The following RITA1 variants were observed in gnomAD, a reference collection of about 807,000 sequenced individuals.
The protein encoded by RITA1 is RBPJ-interacting and tubulin-associated protein 1.
RITA1 carries 15 observed loss-of-function variants against 8.7 expected under a neutral mutation model. That is an observed-to-expected ratio of 1.72 (90% CI 1.15 to 2.65). The LOEUF is 2.65. Ranked by LOEUF, RITA1 falls within the 30% of genes most tolerant of loss-of-function variation. The pLI is 0.00. For synonymous variants in RITA1, 145 were observed against 156.2 expected (o/e 0.93, Z 0.53); for missense variants, 330 against 363.8 (o/e 0.91, Z 0.76).
intron 3 of RITA1, among the ~76,000 whole-genome samples, chr12:113,188,880 G>A (rs1024110084): frequency 1.1e-4 from 14 of 127,600 alleles, no homozygotes; most frequent in South Asian, 7.8e-4. Flanking sequence ...GCACCATCTC[G>A]GATCACTGCA....
At chr12:113,186,065 A>G (rs1952532805) in intron 1 of RITA1, 44 bp downstream of exon 1, 1 of 1,535,834 alleles carries the variant, frequency 6.5e-7, no homozygotes, top group African/African-American at 1.4e-5. Flanking sequence ...GGCACTTTTT[A>G]ATCGGGTCAT....
At position 113,186,979 on chromosome 12, in the gene RITA1, G is replaced by A; in HGVS notation, c.233G>A (p.Gly78Glu). ...GCATCGAAGGCCTTGGGGGCAAAGG[G>A]GAGCTGTGAGACCACCCCCTCAAGG... is the stretch of plus-strand genomic sequence containing the variant. ...KEASKALGAK[G>E]SCETTPSRGS... is the part of the protein sequence containing the mutation. The change falls in exon 3 of 4, where the codon GGG (glycine) becomes GAG (glutamate). Residue 78 changes from glycine to glutamate, a missense_variant. By Grantham distance (98) the Gly-to-Glu change is moderately conservative. Transcript: ENST00000548278. 2 of 1,613,170 alleles carry A rather than the reference G, an allele frequency of 1.2e-6. No homozygotes were observed. Among genetic ancestry groups the A allele is most frequent in the Non-Finnish European group, 1.7e-6 (2 of 1,179,652 alleles).
chr12:113,189,048 C>T (rs901572896), intron 3 of RITA1, among the ~76,000 whole-genome samples: 9 of 151,532 alleles, frequency 5.9e-5, no homozygotes, highest in East Asian at 5.8e-4. Flanking sequence ...GAGCTCAAGT[C>T]GTTCTCCCGC....
intron 3 of RITA1, among the ~76,000 whole-genome samples, chr12:113,189,198 G>A (rs961045574): frequency 4.6e-5 from 7 of 152,060 alleles, no homozygotes; most frequent in Non-Finnish European, 8.8e-5. Flanking sequence ...ATTTGGGTGG[G>A]CACAATTCAG....
chr12:113,186,150 A>G (rs1321667376), intron 1 of RITA1, 35 bp from the exon 2 acceptor site: 8 of 1,421,274 alleles, frequency 5.6e-6, no homozygotes, highest in Admixed American at 2.0e-5. Flanking sequence ...CAAGTACACA[A>G]GCTCTGGACT....
At chr12:113,189,355 A>G (rs1952575316) in intron 3 of RITA1, among the ~76,000 whole-genome samples, 1 of 152,132 alleles carries the variant, frequency 6.6e-6, no homozygotes, top group Admixed American at 6.6e-5. Flanking sequence ...AGGCAGGGTC[A>G]GGTGGAGATT....
At position 113,186,994 on chromosome 12, in the gene RITA1, C is replaced by T. The variant is rs1952546289; in HGVS notation, c.248C>T (p.Thr83Ile). The stretch of plus-strand genomic sequence containing the variant: ...GGGGCAAAGGGGAGCTGTGAGACCA[C>T]CCCCTCAAGGGGCAGCACCCCCACC... ...ALGAKGSCET[T>I]PSRGSTPTLT... Residue 83 changes from threonine (T) to isoleucine (I), a missense_variant, in exon 3 of 4, where the codon ACC (threonine) becomes ATC (isoleucine). Thr to Ile is a moderately conservative substitution (Grantham distance 89, BLOSUM62 -1). Transcript: ENST00000548278. 2 of 1,611,448 alleles carry T rather than the reference C, an allele frequency of 1.2e-6. No individual in the cohort carries two copies. Among genetic ancestry groups the T allele is most frequent in the African/African-American group, 2.7e-5 (2 of 74,894 alleles).
rs764106044 is a variant in RITA1, at chr12:113,191,431, T to C, written c.424T>C (p.Trp142Arg). 7 of 1,609,156 alleles carry C rather than the reference T, an allele frequency of 4.4e-6. No individual in the cohort carries two copies. The East Asian group carries it at 1.3e-4, about 31-fold the overall frequency. Residue 142 changes from tryptophan to arginine, a missense_variant, in exon 4 of 4, where the codon TGG becomes CGG. By Grantham distance (101) the Trp-to-Arg change is moderately radical. Transcript: ENST00000548278. This position sits in a 1 kb window ranked among gnomAD's most constrained non-coding sequence, Gnocchi z 4.0. ...TGCCGCAAAGCTCCGTGCTCTCTTG[T>C]GGACGCCACCACCTACCCCCAGGGG... ...GDAAKLRALL[W>R]TPPPTPRGSH...
At position 113,191,106 on chromosome 12, in the gene RITA1, G is replaced by C. The variant is rs533350293; in HGVS notation, c.303-204G>C. 6.6e-6 allele frequency among the ~76,000 whole-genome samples: 1 copy of C among 152,168 alleles called. No individual in the cohort carries two copies. The highest frequency in any genetic ancestry group is 1.5e-5 in the Non-Finnish European group (1 of 68,028). ...AGGATGCAGGGGCAGTGGATGTTTC[G>C]CAGGGAAAATCAGCAGAGACCGGGG... On this transcript the variant is annotated intron_variant, in intron 3 of 3. Transcript: ENST00000548278. The surrounding 1 kb of genome is among the most constrained non-coding windows in gnomAD (Gnocchi z 4.0).
chr12:113,192,127 C>A lies in RITA1; in HGVS notation c.*310C>A. ...CCCACATCATCCATTGTCTTGCTGC[C>A]AAGTGCGAATAAACGGCGTGATTGC... On this transcript the variant is annotated 3_prime_UTR_variant, in exon 4 of 4. Coordinates refer to ENST00000548278, the MANE Select transcript of RITA1 (RefSeq NM_032848.3). The A allele has an allele frequency of 3.1e-6, 1 of 319,244 alleles. No homozygotes were observed. The highest frequency in any genetic ancestry group is 6.4e-5 in the South Asian group (1 of 15,620). The allele number at this position is 319,244 out of a possible 1,614,324, so 19.8% of individuals were successfully genotyped here. A position where few individuals can be genotyped will look rare whatever the true frequency, so the allele number is the denominator to read the frequency against.
chr12:113,188,828 T>G lies in RITA1; in HGVS notation c.302+1780T>G, dbSNP rs1157389678. Among the ~76,000 whole-genome samples the G allele has an allele frequency of 2.2e-4, 25 of 112,822 alleles. 1 individual carries two copies. The highest frequency in any genetic ancestry group is 8.7e-4 in the African/African-American group (24 of 27,476). The allele number at this position is 112,822 out of a possible 152,430, so 74.0% of individuals were successfully genotyped here. ...TTTTTTTTTTTTTTTTTTTTTTTTT[T>G]GAGATGGAGTCTGGCTCTGTCGCCC... On this transcript the variant is annotated intron_variant, in intron 3 of 3. Coordinates refer to ENST00000548278, the MANE Select transcript of RITA1 (RefSeq NM_032848.3).
At chr12:113,187,305 G>C (rs1952550090) in intron 3 of RITA1, 1 of 419,886 alleles carries the variant, frequency 2.4e-6, no homozygotes, top group African/African-American at 2.0e-5. Flanking sequence ...GTTGATGGTT[G>C]TGATGGTGAA....
chr12:113,185,827 C>A lies in RITA1; in HGVS notation c.-391C>A, dbSNP rs1339849285. ...CCTGTGCCGGCTCCTCGGGTGAGTC[C>A]GTCCGCGCGCGGTGCCCCGGGACGG... On this transcript the variant is annotated 5_prime_UTR_variant, in exon 1 of 4. Transcript: ENST00000548278. The A allele has an allele frequency of 1.4e-6, 1 of 733,984 alleles. No individual in the cohort carries two copies. Among genetic ancestry groups the A allele is most frequent in the Admixed American group, 2.9e-5 (1 of 34,108 alleles). The allele number at this position is 733,984 out of a possible 1,614,324, so 45.5% of individuals were successfully genotyped here.
chr12:113,188,786 CCTTTTTTTTTTTTTTTTT>C (rs1952566389), intron 3 of RITA1, among the ~76,000 whole-genome samples: 4 of 64,258 alleles, frequency 6.2e-5, no homozygotes, highest in Admixed American at 1.9e-4. Context: ...GCCTTAGTTA[CCTTTTTTTTTTTTTTTTT>C]TTTTTTTTTT....
rs768035726 is a variant in RITA1, at chr12:113,191,371, G to A, written c.364G>A (p.Ala122Thr). ...GCTGTTTGGCTCCCGATCTGAAGGCGCCAGCTTCGGGGCCCCGCGGATGGC... is the reference window on the plus strand; with the variant it reads ...GCTGTTTGGCTCCCGATCTGAAGGCACCAGCTTCGGGGCCCCGCGGATGGC... ...ESLFGSRSEG[A>T]SFGAPRMAKG... The change falls in exon 4 of 4, where the codon GCC becomes ACC. Residue 122 changes from alanine to threonine, a missense_variant. Physicochemically the swap from Ala to Thr is moderately conservative, Grantham distance 58 (BLOSUM62 0). Transcript: ENST00000548278. This position sits in a 1 kb window ranked among gnomAD's most constrained non-coding sequence, Gnocchi z 4.0. The A allele has an allele frequency of 3.8e-6, 6 of 1,591,596 alleles. No homozygotes were observed. The highest frequency in any genetic ancestry group is 2.2e-5 in the East Asian group (1 of 44,602).
Position 113,186,286 on chromosome 12 carries a change from G to C in RITA1, c.-95G>C. ...CACAGTGCTGTTGAGAGGATTAAAT[G>C]AAACAATGCTTGTAAAGCTCTTTGC... On this transcript the variant is annotated 5_prime_UTR_variant, in exon 2 of 4. The change abolishes an upstream ATG in the 5' untranslated region. Coordinates refer to ENST00000548278, the MANE Select transcript of RITA1 (RefSeq NM_032848.3). The C allele has an allele frequency of 7.2e-7, 1 of 1,396,354 alleles. No homozygotes were observed. The highest frequency in any genetic ancestry group is 1.6e-5 in the South Asian group (1 of 63,484). The allele number at this position is 1,396,354 out of a possible 1,614,324, so 86.5% of individuals were successfully genotyped here. A position where few individuals can be genotyped will look rare whatever the true frequency, so the allele number is the denominator to read the frequency against.
Position 113,191,159 on chromosome 12 carries a change from C to T in RITA1, c.303-151C>T, listed in dbSNP as rs566882575. ...AGTGGTGCTTAAGAGGCTGTGGCCTCGCTGTAGGTTTCAGACTGGGAGACA... is the reference window on the plus strand; with the variant it reads ...AGTGGTGCTTAAGAGGCTGTGGCCTTGCTGTAGGTTTCAGACTGGGAGACA... On this transcript the variant is annotated intron_variant, in intron 3 of 3. Transcript: ENST00000548278. The surrounding 1 kb of genome is among the most constrained non-coding windows in gnomAD (Gnocchi z 4.0). The T allele has an allele frequency of 9.8e-6, 10 of 1,015,452 alleles. No individual in the cohort carries two copies. Among genetic ancestry groups the T allele is most frequent in the Admixed American group, 9.4e-5 (3 of 32,002 alleles). The allele number at this position is 1,015,452 out of a possible 1,614,324, so 62.9% of individuals were successfully genotyped here. A position where few individuals can be genotyped will look rare whatever the true frequency, so the allele number is the denominator to read the frequency against.
At chr12:113,188,580 C>T (rs888888566) in intron 3 of RITA1, among the ~76,000 whole-genome samples, 3 of 151,948 alleles carry the variant, frequency 2.0e-5, no homozygotes, top group Admixed American at 6.6e-5. Context: ...TTTGGTTTCT[C>T]CTGAGGCCTC....
At chr12:113,186,063 T>G (rs1308576185) in intron 1 of RITA1, 42 bp downstream of exon 1, 2 of 1,535,872 alleles carry the variant, frequency 1.3e-6, no homozygotes, top group African/African-American at 2.7e-5. Flanking sequence ...CGGGCACTTT[T>G]TAATCGGGTC....
Sources: allele counts gnomAD v4.1 joint callset (sites outside exome capture counted in the v4.1 genomes callset), GRCh38; gene constraint gnomAD v4.1.1; non-coding constraint Gnocchi (gnomAD v3.1); transcripts MANE v1.5; gene names NCBI Gene and HGNC (gene_info 2026-07-23, HGNC 2026-07-21).